The following TRPS1 variants were observed in gnomAD, a reference collection of about 807,000 sequenced individuals.
TRPS1 encodes the protein transcriptional repressor GATA binding 1, also known as zinc finger transcription factor Trps1.
A neutral mutation model predicts 101.2 loss-of-function variants in TRPS1; 6 were observed. The observed-to-expected ratio is 0.06, with a 90% confidence interval of 0.03 to 0.12. The LOEUF (loss-of-function observed/expected upper bound fraction) is 0.12, where lower values mean the gene tolerates loss of function less well. TRPS1 is among the 10% of genes least tolerant of loss of function. The pLI is 1.00. For missense variants in TRPS1, 1,363 were observed against 1,567.0 expected (o/e 0.87, Z 2.20); for synonymous variants, 578 against 589.8 (o/e 0.98, Z 0.29).
Position 115,424,497 on chromosome 8 carries a change from T to C in TRPS1, c.2701-6045A>G, listed in dbSNP as rs541408794. ...CAAACATGGTCTGTAATCTTGCAGATTTTCCAGTGGAATCTTCTAAAAACA... is the reference window on the plus strand; with the variant it reads ...CAAACATGGTCTGTAATCTTGCAGACTTTCCAGTGGAATCTTCTAAAAACA... On this transcript the variant is annotated intron_variant, in intron 5 of 6. Coordinates refer to ENST00000395715, the MANE Select transcript of TRPS1 (RefSeq NM_014112.5). 5.3e-4 allele frequency among the ~76,000 whole-genome samples: 80 copies of C among 152,296 alleles called. 2 individuals carry two copies. In the South Asian group the frequency reaches 0.016, roughly 30 times the overall value.
At chr8:115,419,803 T>G (rs747459580) in intron 5 of TRPS1, among the ~76,000 whole-genome samples, 3 of 152,170 alleles carry the variant, frequency 2.0e-5, no homozygotes, top group Admixed American at 6.6e-5. Flanking sequence ...AATTTTTCCA[T>G]CCAGATGCAA....
rs975191438 is a variant in TRPS1, at chr8:115,438,919, C to T, written c.2701-20467G>A. Among the ~76,000 whole-genome samples the T allele has an allele frequency of 6.6e-5, 10 of 152,270 alleles. No homozygotes were observed. In the South Asian group the frequency reaches 1.2e-3, roughly 19 times the overall value. On this transcript the variant is annotated intron_variant, in intron 5 of 6. Coordinates refer to ENST00000395715, the MANE Select transcript of TRPS1 (RefSeq NM_014112.5). ...TAGATTTATTCCTTTTGCTAGGCTG[C>T]GAAAATAAAGCACCTGAGGATCATA...
At chr8:115,441,003 C>A (rs1331659624) in intron 5 of TRPS1, among the ~76,000 whole-genome samples, 4 of 152,142 alleles carry the variant, frequency 2.6e-5, no homozygotes, top group African/African-American at 9.7e-5. Context: ...ACCTCATGAT[C>A]TTTAAACTGT....
chr8:115,662,419 G>A (rs1811823134), intron 1 of TRPS1, among the ~76,000 whole-genome samples: 2 of 151,870 alleles, frequency 1.3e-5, no homozygotes, highest in Non-Finnish European at 2.9e-5. Flanking sequence ...TAAACCTCAG[G>A]AACAATTCAC....
At chr8:115,472,297 C>T (rs181783299) in intron 5 of TRPS1, among the ~76,000 whole-genome samples, 2 of 152,344 alleles carry the variant, frequency 1.3e-5, no homozygotes, top group East Asian at 3.9e-4. Context: ...CACGTGGAAG[C>T]CACCAAGTCT....
chr8:115,555,870 A>C (rs915886684), intron 5 of TRPS1, among the ~76,000 whole-genome samples: 2 of 17,670 alleles, frequency 1.1e-4, no homozygotes, highest in African/African-American at 1.3e-3. Context: ...CAAACAAACA[A>C]AAAAAAAAGC....
At chr8:115,477,093 G>A (rs904543391) in intron 5 of TRPS1, among the ~76,000 whole-genome samples, 2 of 152,108 alleles carry the variant, frequency 1.3e-5, no homozygotes, top group Non-Finnish European at 2.9e-5. Context: ...ATTTAAAAAA[G>A]TGGGAATAAA....
chr8:115,415,256 C>T (rs905184670), intron 6 of TRPS1, among the ~76,000 whole-genome samples, 172 bp from the exon 7 acceptor site: 1 of 152,154 alleles, frequency 6.6e-6, no homozygotes, highest in African/African-American at 2.4e-5. Context: ...GAGGAAGTAA[C>T]CAAAGTGCAC....
intron 5 of TRPS1, among the ~76,000 whole-genome samples, chr8:115,422,225 G>GA (rs1813080665): frequency 6.6e-6 from 1 of 151,986 alleles, no homozygotes; most frequent in South Asian, 2.1e-4. Flanking sequence ...AATATTTTAG[G>GA]AAAAAAAGTA....
chr8:115,656,593 C>T (rs1038468015), intron 1 of TRPS1, among the ~76,000 whole-genome samples: 2 of 152,086 alleles, frequency 1.3e-5, no homozygotes, highest in Admixed American at 6.6e-5. Context: ...TTACACCATT[C>T]ATAATTTTCA....
At chr8:115,580,020 T>A (rs1247404174) in intron 5 of TRPS1, among the ~76,000 whole-genome samples, 3 of 151,958 alleles carry the variant, frequency 2.0e-5, no homozygotes, top group Admixed American at 6.6e-5. Context: ...ATAATAAAAG[T>A]CTATAAGTAG....
At chr8:115,584,323 CTATT>C (rs1478456063) in intron 5 of TRPS1, among the ~76,000 whole-genome samples, 13 of 151,742 alleles carry the variant, frequency 8.6e-5, no homozygotes, top group East Asian at 1.9e-4. Flanking sequence ...ATTGAAAAAA[CTATT>C]TAATTAAAAA....
intron 5 of TRPS1, among the ~76,000 whole-genome samples, chr8:115,499,968 C>T (rs1374517964): frequency 2.1e-4 from 20 of 95,952 alleles, no homozygotes; most frequent in African/African-American, 8.7e-4. Flanking sequence ...TCTTTCTTTT[C>T]TTTTCTTTTC....
chr8:115,474,852 T>C (rs1814561026), intron 5 of TRPS1, among the ~76,000 whole-genome samples: 1 of 152,074 alleles, frequency 6.6e-6, no homozygotes, highest in Non-Finnish European at 1.5e-5. Flanking sequence ...TAGAGATAAA[T>C]ATTCTGTTTG....
At position 115,587,455 on chromosome 8, in the gene TRPS1, A is replaced by G; in HGVS notation, c.2246T>C (p.Ile749Thr). Residue 749 changes from isoleucine to threonine, a missense_variant, in exon 5 of 7, where the codon ATC becomes ACC. Physicochemically the swap from Ile to Thr is moderately conservative, Grantham distance 89 (BLOSUM62 -1). Around this residue, in one of 5 missense-constraint regions of TRPS1, gnomAD observed 1,020 missense variants for 1,073.0 expected, o/e 0.95. Coordinates refer to ENST00000395715, the MANE Select transcript of TRPS1 (RefSeq NM_014112.5). ...GAAGTCAATTTTGGGCTCCTCTTTG[A>G]TGGTGGATATGGCATGACCGTCCTC... is the stretch of plus-strand genomic sequence containing the variant. ...GEEDGHAIST[I>T]KEEPKIDFRV... 1 of 1,614,040 alleles carries G rather than the reference A, an allele frequency of 6.2e-7. No individual in the cohort carries two copies. Among genetic ancestry groups the G allele is most frequent in the Non-Finnish European group, 8.5e-7 (1 of 1,180,000 alleles).
chr8:115,640,137 T>C (rs538560921), intron 1 of TRPS1, among the ~76,000 whole-genome samples: 3 of 152,238 alleles, frequency 2.0e-5, no homozygotes, highest in Non-Finnish European at 4.4e-5. Flanking sequence ...ATCAACTTTA[T>C]ACTTGATAAT....
intron 5 of TRPS1, among the ~76,000 whole-genome samples, chr8:115,455,751 T>C (rs1814000239): frequency 6.8e-6 from 1 of 146,688 alleles, no homozygotes; most frequent in South Asian, 2.2e-4. Context: ...TATGGCTTTT[T>C]TCTTTTTCTT....
intron 5 of TRPS1, among the ~76,000 whole-genome samples, chr8:115,424,045 T>C (rs1813132290): frequency 6.6e-6 from 1 of 152,214 alleles, no homozygotes; most frequent in African/African-American, 2.4e-5. Context: ...AAGGTTTCCA[T>C]TGGTGAAGGA....
chr8:115,635,061 C>G (rs1181019191), intron 1 of TRPS1, among the ~76,000 whole-genome samples: 1 of 152,026 alleles, frequency 6.6e-6, no homozygotes, highest in Non-Finnish European at 1.5e-5. Flanking sequence ...GTGAAAAAAC[C>G]ACATGAAATA....
Sources: gnomAD v4.1 joint callset for allele counts (sites outside exome capture counted in the v4.1 genomes callset) on GRCh38, gnomAD v4.1.1 for gene constraint, gnomAD v4.1.1 regional missense constraint, MANE v1.5 for transcripts, NCBI Gene and HGNC (gene_info 2026-07-23, HGNC 2026-07-21) for gene names.